CMIP: variants seen among roughly 807,000 people sequenced by gnomAD.
CMIP encodes C-Maf-inducing protein.
Under a neutral mutation model 97.3 loss-of-function variants are expected in CMIP, and 13 were observed. The ratio of observed to expected loss-of-function variants is 0.13; its 90% CI spans 0.09 to 0.21. The LOEUF is 0.21. Ranked by LOEUF, CMIP falls within the 10% of genes least tolerant of loss-of-function variation. CMIP has a pLI of 1.00. For synonymous variants in CMIP, 538 were observed against 436.3 expected, an observed-to-expected ratio of 1.23 and a Z score of -2.91; for missense variants, 847 against 1,024.9, an observed-to-expected ratio of 0.83 and a Z score of 2.37.
chr16:81,606,953 GT>G (rs1470070595), intron 1 of CMIP: 1 of 155,424 alleles, frequency 6.4e-6, no homozygotes, highest in East Asian at 1.9e-4. Context: ...TATCAGGGCA[GT>G]GTGAGGAGTG....
intron 1 of CMIP, among the ~76,000 whole-genome samples, chr16:81,484,096 C>T (rs966322648): frequency 6.6e-6 from 1 of 152,100 alleles, no homozygotes; most frequent in Non-Finnish European, 1.5e-5. Flanking sequence ...AACCAGATAG[C>T]GTTTTTGCCA....
At chr16:81,494,260 G>A (rs1019410422) in intron 1 of CMIP, among the ~76,000 whole-genome samples, 3 of 152,162 alleles carry the variant, frequency 2.0e-5, no homozygotes, top group Admixed American at 6.5e-5. Context: ...TTCCCCTCTC[G>A]GTTGCCAGCC....
Position 81,709,887 on chromosome 16 carries a change from C to A in CMIP, c.*88C>A. On this transcript the variant is annotated 3_prime_UTR_variant, in exon 21 of 21. Transcript: ENST00000537098. The stretch of plus-strand genomic sequence containing the variant: ...CGCAGAGCAGCCGGTCCTGGGGTCC[C>A]ACCCTGGTGCCCTGGCTGTGAGATA... 7.4e-7 allele frequency: 1 copy of A among 1,352,054 alleles called. No individual in the cohort carries two copies. The highest frequency in any genetic ancestry group is 1.0e-6 in the Non-Finnish European group (1 of 979,524). 83.8% of individuals were successfully genotyped at this position (1,352,054 alleles called of 1,614,324 possible).
chr16:81,462,814 A>G (rs1034651860), intron 1 of CMIP, among the ~76,000 whole-genome samples: 1 of 152,176 alleles, frequency 6.6e-6, no homozygotes, highest in South Asian at 2.1e-4. Flanking sequence ...AATCAGGCAG[A>G]TGGTGGCTCA....
In CMIP at chr16:81,683,756, C is replaced by CTTTTT. The variant is rs71272426; in HGVS notation, c.1388+5147_1388+5151dup. On this transcript the variant is annotated intron_variant, in intron 10 of 20. Transcript: ENST00000537098. ...TTATATGTGTTTATTTTTTCTTTTT[C>CTTTTT]TTTTTTTTTTTTTTTTTTTTTTTGC... Among the ~76,000 whole-genome samples the CTTTTT allele has an allele frequency of 8.2e-3, 667 of 81,618 alleles. 1 individual carries two copies. Among genetic ancestry groups the CTTTTT allele is most frequent in the Middle Eastern group, 0.01 (1 of 100 alleles). 53.5% of individuals were successfully genotyped at this position (81,618 alleles called of 152,430 possible). A position where few individuals can be genotyped will look rare whatever the true frequency, so the allele number is the denominator to read the frequency against.
intron 10 of CMIP, among the ~76,000 whole-genome samples, chr16:81,689,142 G>T (rs1905764432): frequency 6.6e-6 from 1 of 152,228 alleles, no homozygotes. Context: ...CTTTATAGCA[G>T]CGTGATTTAT....
At chr16:81,602,457 A>G (rs1046874609) in intron 1 of CMIP, among the ~76,000 whole-genome samples, 2 of 152,234 alleles carry the variant, frequency 1.3e-5, no homozygotes, top group Admixed American at 6.5e-5. Flanking sequence ...TGTAATTTAC[A>G]TACAGTAAGA....
In CMIP at chr16:81,603,261, T is replaced by G. The variant is rs568045797; in HGVS notation, c.301-4306T>G. 3.0e-4 allele frequency among the ~76,000 whole-genome samples: 45 copies of G among 152,238 alleles called. No homozygotes were observed. The East Asian group carries it at 7.9e-3, about 27-fold the overall frequency. ...CGCCTGGCTCGTTTTTTTAGTATTT[T>G]TAGTAGAGACGGGGTTTCACCATGT... On this transcript the variant is annotated intron_variant, in intron 1 of 20. Coordinates refer to ENST00000537098, the MANE Select transcript of CMIP (RefSeq NM_198390.3).
At chr16:81,680,483 C>T (rs1229431532) in intron 10 of CMIP, among the ~76,000 whole-genome samples, 4 of 152,244 alleles carry the variant, frequency 2.6e-5, no homozygotes, top group East Asian at 1.9e-4. Flanking sequence ...AGCGTCCCCA[C>T]ATAGCCTCCT....
At chr16:81,680,799 G>C (rs1904798317) in intron 10 of CMIP, among the ~76,000 whole-genome samples, 1 of 152,228 alleles carries the variant, frequency 6.6e-6, no homozygotes, top group Non-Finnish European at 1.5e-5. Context: ...CCAGGCCAGA[G>C]AGTGGCCCCG....
In CMIP at chr16:81,462,453, C is replaced by T. The variant is rs192476773; in HGVS notation, c.300+16912C>T. On this transcript the variant is annotated intron_variant, in intron 1 of 20. Transcript: ENST00000537098. The stretch of plus-strand genomic sequence containing the variant: ...ATAAACCAGGCTAGGGGGTCAGTGA[C>T]GCTTCCCCAGCAGGAAATGGAGCTT... Among the ~76,000 whole-genome samples, 981 of 152,086 alleles carry T rather than the reference C, an allele frequency of 6.5e-3. 3 individuals carry two copies. Among genetic ancestry groups the T allele is most frequent in the Non-Finnish European group, 0.011 (755 of 67,992 alleles).
At chr16:81,591,690 G>C (rs2091468976) in intron 1 of CMIP, among the ~76,000 whole-genome samples, 1 of 152,072 alleles carries the variant, frequency 6.6e-6, no homozygotes, top group South Asian at 2.1e-4. Flanking sequence ...GAGCAGGGGA[G>C]CCCCCAGGGC....
chr16:81,540,979 CT>C (rs35461140), intron 1 of CMIP, among the ~76,000 whole-genome samples: 510 of 141,774 alleles, frequency 3.6e-3, no homozygotes, highest in South Asian at 0.012. Flanking sequence ...TGCACCCGGC[CT>C]TTTTTTTTTT....
At chr16:81,680,932 G>A (rs755965908) in intron 10 of CMIP, among the ~76,000 whole-genome samples, 9 of 152,158 alleles carry the variant, frequency 5.9e-5, no homozygotes, top group Admixed American at 6.5e-5. Flanking sequence ...GTTTCAGCAC[G>A]CAGTTGACAC....
At position 81,672,002 on chromosome 16, in the gene CMIP, G is replaced by C. The variant is rs376811403; in HGVS notation, c.966G>C (p.Arg322=). ...CCACAGGGCACTGCCCCCACCCCCG[G>C]GTCCTGCCCAACCTGGTGGCCGTGT... ...HGPTGHCPHP[R]VLPNLVAVCL... Residue 322 remains arginine (R), a synonymous_variant, in exon 9 of 21, where the codon CGG becomes CGC. Transcript: ENST00000537098. 1.9e-6 allele frequency: 3 copies of C among 1,603,948 alleles called. No individual in the cohort carries two copies. The highest frequency in any genetic ancestry group is 2.7e-5 in the African/African-American group (2 of 74,906).
intron 3 of CMIP, among the ~76,000 whole-genome samples, chr16:81,622,636 C>T (rs950632087): frequency 5.9e-5 from 9 of 152,238 alleles, no homozygotes; most frequent in Non-Finnish European, 1.2e-4. Flanking sequence ...ACTGCCTACC[C>T]GACAGGTTGG....
chr16:81,644,377 G>A (rs1304554721), intron 3 of CMIP, among the ~76,000 whole-genome samples: 4 of 152,210 alleles, frequency 2.6e-5, no homozygotes, highest in Non-Finnish European at 5.9e-5. Context: ...AGGCCAGGGG[G>A]CTGTGTTTGA....
chr16:81,517,180 A>C (rs547836472), intron 1 of CMIP, among the ~76,000 whole-genome samples: 39 of 150,342 alleles, frequency 2.6e-4, no homozygotes, highest in African/African-American at 9.7e-4. Context: ...CTCCAAGGTC[A>C]TCAGTGAAAA....
chr16:81,533,232 G>GT (rs548131543), intron 1 of CMIP, among the ~76,000 whole-genome samples: 268 of 152,248 alleles, frequency 1.8e-3, no homozygotes, highest in Middle Eastern at 6.8e-3. Flanking sequence ...GGGTTTGCCT[G>GT]TTTTTTCCCC....
Sources: gnomAD v4.1 joint callset for allele counts (sites outside exome capture counted in the v4.1 genomes callset) on GRCh38, gnomAD v4.1.1 for gene constraint, MANE v1.5 for transcripts, NCBI Gene and HGNC (gene_info 2026-07-23, HGNC 2026-07-21) for gene names.